The following ETV3 variants were observed in gnomAD, a reference collection of about 807,000 sequenced individuals.
ETV3 encodes ETS variant transcription factor 3.
In ETV3, 8 loss-of-function variants were observed where a neutral mutation model predicts 33.0. The ratio of observed to expected loss-of-function variants is 0.24; its 90% CI spans 0.14 to 0.44. ETV3 has a LOEUF of 0.44. ETV3 is among the 20% of genes least tolerant of loss of function. The probability of loss-of-function intolerance (pLI) is 1.00; values close to 1 mark genes in which losing one functional copy is unlikely to be tolerated. For synonymous variants in ETV3, 222 were observed against 238.9 expected, an observed-to-expected ratio of 0.93 and a Z score of 0.65; for missense variants, 473 against 652.3, an observed-to-expected ratio of 0.73 and a Z score of 2.99.
At chr1:157,136,529 T>C (rs775908986) in intron 1 of ETV3, among the ~76,000 whole-genome samples, 164 bp from the exon 2 acceptor site, 1 of 152,194 alleles carries the variant, frequency 6.6e-6, no homozygotes, top group Non-Finnish European at 1.5e-5. Flanking sequence ...ACTCCCCAAG[T>C]TATCAAATGA....
intron 4 of ETV3, among the ~76,000 whole-genome samples, chr1:157,131,974 T>C (rs1008914462): frequency 1.3e-5 from 2 of 152,262 alleles, no homozygotes; most frequent in Non-Finnish European, 2.9e-5. Context: ...GCTTTCCTTG[T>C]GCTTTATTGA....
chr1:157,132,599 T>C (rs1427841549), intron 4 of ETV3, among the ~76,000 whole-genome samples: 1 of 152,134 alleles, frequency 6.6e-6, no homozygotes, highest in African/African-American at 2.4e-5. Context: ...AGATTCCCAA[T>C]TCCTCTAGGC....
At chr1:157,133,830 T>C (rs1484215639) in intron 4 of ETV3, 2 of 1,184,996 alleles carry the variant, frequency 1.7e-6, no homozygotes, top group Admixed American at 8.6e-5. Flanking sequence ...CTATGAAACA[T>C]CATTCCCAAA....
At position 157,121,311 on chromosome 1, in the gene ETV3, T is replaced by C. The variant is rs372385837; in HGVS notation, c.*3530A>G. Reference sequence around the variant, plus strand: ...AAAAATATGTATATTATACATATATTTCTATAACATTACATCATATATATA... The same window carrying C: ...AAAAATATGTATATTATACATATATCTCTATAACATTACATCATATATATA... On this transcript the variant is annotated 3_prime_UTR_variant, in exon 5 of 5. Transcript: ENST00000368192. 11 of 151,902 alleles carry C rather than the reference T, an allele frequency of 7.2e-5. No homozygotes were observed. The highest frequency in any genetic ancestry group is 3.9e-4 in the Admixed American group (6 of 15,218). 9.4% of individuals were successfully genotyped at this position (151,902 alleles called of 1,614,324 possible).
At chr1:157,128,473 G>A (rs747536541) in intron 4 of ETV3, 34 of 310,216 alleles carry the variant, frequency 1.1e-4, no homozygotes, top group Middle Eastern at 5.8e-4. Context: ...TGTCTCTTTG[G>A]GTGGAAGACA....
At chr1:157,133,197 A>C (rs1675012641) in intron 4 of ETV3, 1 of 159,524 alleles carries the variant, frequency 6.3e-6, no homozygotes, top group Non-Finnish European at 1.3e-5. Flanking sequence ...TAATTTTTCT[A>C]TTTTATTATT....
chr1:157,126,003 G>C, intron 4 of ETV3, 24 bp from the exon 5 acceptor site: 1 of 1,512,682 alleles, frequency 6.6e-7, no homozygotes, highest in Non-Finnish European at 8.8e-7. Context: ...AAATACAAAA[G>C]CCTGCATCAG....
At chr1:157,127,344 A>G (rs913576849) in intron 4 of ETV3, among the ~76,000 whole-genome samples, 1 of 152,202 alleles carries the variant, frequency 6.6e-6, no homozygotes, top group African/African-American at 2.4e-5. Flanking sequence ...TCACTGCTTC[A>G]CAGAGATTCA....
Position 157,125,907 on chromosome 1 carries a change from T to A in ETV3, c.473A>T (p.His158Leu). ...SRFHFPPLDT[H>L]SPTNDVQPGR... ...CGGCTGCACATCATTGGTTGGAGAATGGGTGTCCAGAGGTGGGAAATGGAA... is the reference window on the plus strand; with the variant it reads ...CGGCTGCACATCATTGGTTGGAGAAAGGGTGTCCAGAGGTGGGAAATGGAA... The change falls in exon 5 of 5, where the codon CAT (histidine) becomes CTT (leucine). Residue 158 changes from histidine (H) to leucine (L), a missense_variant. Transcript: ENST00000368192. The surrounding 1 kb of genome is among the most constrained non-coding windows in gnomAD (Gnocchi z 4.0). The A allele has an allele frequency of 6.4e-7, 1 of 1,551,758 alleles. No individual in the cohort carries two copies. Among genetic ancestry groups the A allele is most frequent in the East Asian group, 2.4e-5 (1 of 40,926 alleles).
rs1252799632 is a variant in ETV3, at chr1:157,124,403, A to C, written c.*438T>G. 3 of 155,604 alleles carry C rather than the reference A, an allele frequency of 1.9e-5. No homozygotes were observed. Among genetic ancestry groups the C allele is most frequent in the African/African-American group, 7.2e-5 (3 of 41,492 alleles). 9.6% of individuals were successfully genotyped at this position (155,604 alleles called of 1,614,324 possible). On this transcript the variant is annotated 3_prime_UTR_variant, in exon 5 of 5. Coordinates refer to ENST00000368192, the MANE Select transcript of ETV3 (RefSeq NM_001145312.3). Reference sequence around the variant, plus strand: ...TAGTATTAATGGTCTCTTACTGCTCAACCTCCCAACCATGCCCTTTTCCCT... The same window carrying C: ...TAGTATTAATGGTCTCTTACTGCTCCACCTCCCAACCATGCCCTTTTCCCT...
chr1:157,126,418 T>C (rs1001192805), intron 4 of ETV3, among the ~76,000 whole-genome samples: 1 of 152,254 alleles, frequency 6.6e-6, no homozygotes, highest in African/African-American at 2.4e-5. Flanking sequence ...TTTCAATTTT[T>C]AGCTCTGCAA....
At chr1:157,132,015 T>G (rs1008542722) in intron 4 of ETV3, among the ~76,000 whole-genome samples, 6 of 152,232 alleles carry the variant, frequency 3.9e-5, no homozygotes, top group African/African-American at 1.2e-4. Flanking sequence ...CAGGCTGGAG[T>G]GTAGTGGCAT....
Position 157,125,585 on chromosome 1 carries a change from T to A in ETV3, c.795A>T (p.Pro265=). 3 of 1,551,792 alleles carry A rather than the reference T, an allele frequency of 1.9e-6. No homozygotes were observed. ...AGATGGTGGGAGTCAGGGAGAGGGC[T>A]GGTGAAATGGGGACATTAAGGACAC... ...RGGVLNVPIS[P]ALSLTPTIFS... Residue 265 remains proline, a synonymous_variant, in exon 5 of 5, where the codon CCA becomes CCT. Transcript: ENST00000368192. The surrounding 1 kb of genome is among the most constrained non-coding windows in gnomAD (Gnocchi z 4.0).
In ETV3 at chr1:157,123,083, G is replaced by A. The variant is rs1674740117; in HGVS notation, c.*1758C>T. ...CACCATTAAAAGACAACCTTCAAAT[G>A]TTACTCAGTATATAAAGTTTGCTTA... On this transcript the variant is annotated 3_prime_UTR_variant, in exon 5 of 5. Coordinates refer to ENST00000368192, the MANE Select transcript of ETV3 (RefSeq NM_001145312.3). The A allele has an allele frequency of 6.6e-6, 1 of 152,214 alleles. No homozygotes were observed. Among genetic ancestry groups the A allele is most frequent in the South Asian group, 2.1e-4 (1 of 4,830 alleles). The allele number at this position is 152,214 out of a possible 1,614,324, so 9.4% of individuals were successfully genotyped here.
intron 2 of ETV3, 40 bp from the exon 3 acceptor site, chr1:157,135,748 T>C: frequency 6.3e-7 from 1 of 1,599,708 alleles, no homozygotes; most frequent in Admixed American, 1.7e-5. Flanking sequence ...AGTTAAGAGG[T>C]AGGTACATAC....
At chr1:157,133,688 T>C in intron 4 of ETV3, 3 of 993,762 alleles carry the variant, frequency 3.0e-6, no homozygotes, top group Non-Finnish European at 3.6e-6. Context: ...TTTGATGATA[T>C]TCACTTGATA....
At position 157,125,153 on chromosome 1, in the gene ETV3, A is replaced by G. The variant is rs907180052; in HGVS notation, c.1227T>C (p.Thr409=). 3 of 1,551,660 alleles carry G rather than the reference A, an allele frequency of 1.9e-6. No individual in the cohort carries two copies. Among genetic ancestry groups the G allele is most frequent in the African/African-American group, 2.7e-5 (2 of 73,028 alleles). ...CCTCTTCAATGGTCCTGCTTGGCAC[A>G]GTGCCCTCTTCTTGAGTGTGCTCCT... is the stretch of plus-strand genomic sequence containing the variant. ...EKEEHTQEEG[T]VPSRTIEEEK... is the part of the protein sequence containing the mutation. The change falls in exon 5 of 5, where the codon ACT becomes ACC. Residue 409 remains threonine, a synonymous_variant. Coordinates refer to ENST00000368192, the MANE Select transcript of ETV3 (RefSeq NM_001145312.3). The surrounding 1 kb of genome is among the most constrained non-coding windows in gnomAD (Gnocchi z 4.0).
chr1:157,129,936 C>A (rs953164362), intron 4 of ETV3, among the ~76,000 whole-genome samples: 1 of 152,056 alleles, frequency 6.6e-6, no homozygotes, highest in African/African-American at 2.4e-5. Context: ...CTCCGCCTCC[C>A]AGGTTCAAGC....
chr1:157,133,907 C>A (rs899499456), intron 4 of ETV3: 18 of 1,386,008 alleles, frequency 1.3e-5, no homozygotes, highest in South Asian at 1.2e-4. Context: ...ACCAAATAAA[C>A]CAAAGAAATC....
Sources: allele counts gnomAD v4.1 joint callset (sites outside exome capture counted in the v4.1 genomes callset), GRCh38; gene constraint gnomAD v4.1.1; non-coding constraint Gnocchi (gnomAD v3.1); transcripts MANE v1.5; gene names NCBI Gene and HGNC (gene_info 2026-07-23, HGNC 2026-07-21).